Variants in PRKN observed in about 807,000 individuals in gnomAD.
PRKN encodes E3 ubiquitin-protein ligase parkin.
A neutral mutation model predicts 59.5 loss-of-function variants in PRKN; 56 were observed. The ratio of observed to expected loss-of-function variants is 0.94; its 90% CI spans 0.76 to 1.18. The LOEUF (loss-of-function observed/expected upper bound fraction) is 1.18, where lower values mean the gene tolerates loss of function less well. PRKN is among the 50% of genes most tolerant of loss of function. The pLI is 0.00. For missense variants in PRKN, 657 were observed against 596.4 expected, an observed-to-expected ratio of 1.10 and a Z score of -1.06; for synonymous variants, 250 against 222.1, an observed-to-expected ratio of 1.13 and a Z score of -1.12.
At chr6:161,961,297 G>T (rs959270493) in intron 6 of PRKN, among the ~76,000 whole-genome samples, 6 of 152,154 alleles carry the variant, frequency 3.9e-5, no homozygotes, top group African/African-American at 1.4e-4. Context: ...GTCATTTCCA[G>T]GGTAATATGC....
intron 7 of PRKN, among the ~76,000 whole-genome samples, chr6:161,765,101 T>C (rs1789367046): frequency 6.6e-6 from 1 of 152,228 alleles, no homozygotes; most frequent in South Asian, 2.1e-4. Flanking sequence ...TCAGTCTCAC[T>C]GGTAAACAGT....
chr6:162,034,861 G>A (rs1783779999), intron 5 of PRKN, among the ~76,000 whole-genome samples: 2 of 152,162 alleles, frequency 1.3e-5, no homozygotes, highest in South Asian at 4.1e-4. Context: ...CAAATTGCTG[G>A]TCCATGAGGA....
intron 4 of PRKN, among the ~76,000 whole-genome samples, chr6:162,160,845 C>G (rs1225515535): frequency 7.8e-6 from 1 of 128,350 alleles, no homozygotes; most frequent in African/African-American, 3.0e-5. Flanking sequence ...GAGCCTAGAT[C>G]GCGCCACTGT....
chr6:161,531,790 C>A (rs997275734), intron 9 of PRKN, among the ~76,000 whole-genome samples: 3 of 152,044 alleles, frequency 2.0e-5, no homozygotes, highest in South Asian at 2.1e-4. Flanking sequence ...ATCAGACATG[C>A]GGGTGGATTA....
At chr6:161,651,182 C>T (rs1331677152) in intron 7 of PRKN, among the ~76,000 whole-genome samples, 1 of 152,284 alleles carries the variant, frequency 6.6e-6, no homozygotes, top group Admixed American at 6.5e-5. Flanking sequence ...CAAGTAGATA[C>T]TTAATGTCTG....
chr6:161,492,491 C>A (rs1193764630), intron 9 of PRKN, among the ~76,000 whole-genome samples: 2 of 152,236 alleles, frequency 1.3e-5, no homozygotes, highest in African/African-American at 2.4e-5. Flanking sequence ...TGATGGTCAG[C>A]TAATGCTGTT....
intron 2 of PRKN, among the ~76,000 whole-genome samples, chr6:162,321,499 G>C (rs1321365277): frequency 1.3e-5 from 2 of 151,714 alleles, no homozygotes; most frequent in East Asian, 3.9e-4. Flanking sequence ...GAAAAGTGAA[G>C]ACAAGGCAAT....
chr6:161,674,071 A>G (rs1486437247), intron 7 of PRKN, among the ~76,000 whole-genome samples: 3 of 152,144 alleles, frequency 2.0e-5, no homozygotes, highest in African/African-American at 7.2e-5. Context: ...TGCAAGGATA[A>G]GACTACCTAC....
chr6:161,450,071 T>C (rs1789660678), intron 9 of PRKN, among the ~76,000 whole-genome samples: 2 of 152,150 alleles, frequency 1.3e-5, no homozygotes, highest in Admixed American at 6.5e-5. Context: ...TCAAAATACA[T>C]GGGGAACTGA....
chr6:161,436,656 G>C (rs899129650), intron 9 of PRKN, among the ~76,000 whole-genome samples: 2 of 151,986 alleles, frequency 1.3e-5, no homozygotes, highest in African/African-American at 4.8e-5. Context: ...GGGTCAAATT[G>C]AAACTCCTGC....
intron 1 of PRKN, among the ~76,000 whole-genome samples, chr6:162,697,331 T>G (rs1326700452): frequency 6.6e-6 from 1 of 152,166 alleles, no homozygotes; most frequent in African/African-American, 2.4e-5. Flanking sequence ...ACTCACAGGT[T>G]TGAGATTTTT....
At chr6:162,307,273 G>A (rs139032429) in intron 2 of PRKN, among the ~76,000 whole-genome samples, 154 of 151,950 alleles carry the variant, frequency 1.0e-3, no homozygotes, top group African/African-American at 3.3e-3. Flanking sequence ...GCTGGTGGGC[G>A]CCTATAATCC....
chr6:161,654,815 A>G (rs953777706), intron 7 of PRKN, among the ~76,000 whole-genome samples: 6 of 152,220 alleles, frequency 3.9e-5, no homozygotes, highest in Non-Finnish European at 8.8e-5. Flanking sequence ...CCACAGGGGC[A>G]TAACCAGCTT....
At chr6:161,537,721 G>A (rs1478096717) in intron 9 of PRKN, among the ~76,000 whole-genome samples, 1 of 152,164 alleles carries the variant, frequency 6.6e-6, no homozygotes, top group Non-Finnish European at 1.5e-5. Flanking sequence ...AAAGTGCTGG[G>A]ATTACAGGCG....
chr6:162,634,387 T>A (rs1365309422), intron 1 of PRKN, among the ~76,000 whole-genome samples: 2 of 152,064 alleles, frequency 1.3e-5, no homozygotes, highest in Admixed American at 1.3e-4. Context: ...CCCAGTGCTT[T>A]CTCCAAGGCA....
At chr6:162,723,750 T>G (rs1265600302) in intron 1 of PRKN, among the ~76,000 whole-genome samples, 1 of 152,230 alleles carries the variant, frequency 6.6e-6, no homozygotes, top group Non-Finnish European at 1.5e-5. Context: ...TAAAAAGATA[T>G]GGCCACAAAC....
chr6:162,669,550 T>C (rs1371263967), intron 1 of PRKN, among the ~76,000 whole-genome samples: 2 of 152,198 alleles, frequency 1.3e-5, no homozygotes, highest in Non-Finnish European at 2.9e-5. Context: ...TGCCAGTCTA[T>C]GCCATGACAA....
intron 5 of PRKN, among the ~76,000 whole-genome samples, chr6:162,000,545 G>T: frequency 6.6e-6 from 1 of 151,962 alleles, no homozygotes; most frequent in East Asian, 1.9e-4. Context: ...TGTATATTTT[G>T]GATGGTAGTT....
intron 2 of PRKN, among the ~76,000 whole-genome samples, chr6:162,263,610 T>A (rs1363878192): frequency 6.6e-6 from 1 of 152,178 alleles, no homozygotes; most frequent in East Asian, 1.9e-4. Flanking sequence ...TCAGATTATT[T>A]GCTAGCACAA....
Sources: allele counts gnomAD v4.1 joint callset (sites outside exome capture counted in the v4.1 genomes callset), GRCh38; gene constraint gnomAD v4.1.1; transcripts MANE v1.5; gene names NCBI Gene and HGNC (gene_info 2026-07-23, HGNC 2026-07-21).